The following DPY19L1 variants were observed in gnomAD, a reference collection of about 807,000 sequenced individuals.
DPY19L1 encodes the protein protein C-mannosyl-transferase DPY19L1.
Under a neutral mutation model 96.9 loss-of-function variants are expected in DPY19L1, and 35 were observed. The observed-to-expected ratio is 0.36, with a 90% CI of 0.28 to 0.48. The LOEUF is 0.48. DPY19L1 is among the 20% of genes least tolerant of loss of function. The probability of loss-of-function intolerance (pLI) is 0.99; values close to 1 mark genes in which losing one functional copy is unlikely to be tolerated. For synonymous variants in DPY19L1, 205 were observed against 252.6 expected (o/e 0.81, Z 1.79); for missense variants, 521 against 777.9 (o/e 0.67, Z 3.93).
At chr7:35,018,532 C>A in intron 2 of DPY19L1, 40 bp downstream of exon 2, 1 of 1,573,366 alleles carries the variant, frequency 6.4e-7, no homozygotes, top group South Asian at 1.1e-5. Context: ...AAGTTATAAA[C>A]GTCTGCATAA....
chr7:35,037,606 C>G, upstream of DPY19L1: 1 of 251,542 alleles, frequency 4.0e-6, no homozygotes. Flanking sequence ...GAGGCGGCGC[C>G]GGACTTGCTA....
intron 16 of DPY19L1, among the ~76,000 whole-genome samples, chr7:34,944,533 G>A (rs919907844): frequency 1.9e-4 from 29 of 151,844 alleles, no homozygotes; most frequent in African/African-American, 4.6e-4. Flanking sequence ...TTATCTTTCC[G>A]GATCATTTCT....
At chr7:34,953,106 C>T (rs576275262) in intron 13 of DPY19L1, among the ~76,000 whole-genome samples, 4 of 152,220 alleles carry the variant, frequency 2.6e-5, no homozygotes, top group East Asian at 3.9e-4. Context: ...TAAAAACCTA[C>T]GCTCAGAGGC....
rs1178541423 is a variant in DPY19L1, at chr7:35,024,871, AAT to A, written c.299-6277_299-6276del. Among the ~76,000 whole-genome samples, 16 of 152,328 alleles carry A rather than the reference AAT, an allele frequency of 1.1e-4. No homozygotes were observed. The East Asian group carries it at 3.1e-3, about 29-fold the overall frequency. The stretch of plus-strand genomic sequence containing the variant: ...TGGCCTCAAGGCTGAGTCTGTGTAT[AAT>A]TCATCTTTACACTACCTAGTATCAT... On this transcript the variant is annotated intron_variant, in intron 1 of 21. Transcript: ENST00000638088.
Position 34,986,442 on chromosome 7 carries a change from A to G in DPY19L1, c.822+3442T>C, listed in dbSNP as rs187860502. 2.1e-3 allele frequency among the ~76,000 whole-genome samples: 323 copies of G among 152,200 alleles called. 4 individuals carry two copies. The highest frequency in any genetic ancestry group is 3.4e-3 in the Middle Eastern group (1 of 294). On this transcript the variant is annotated intron_variant, in intron 7 of 21. Coordinates refer to ENST00000638088, the MANE Select transcript of DPY19L1 (RefSeq NM_001366673.1). ...AATTATTATTTGTAAGTTAAAACAA[A>G]TAATTTTTTAAAAATACAAATAAAT...
At chr7:34,960,671 T>G (rs1174683550) in intron 10 of DPY19L1, among the ~76,000 whole-genome samples, 3 of 152,156 alleles carry the variant, frequency 2.0e-5, no homozygotes, top group Non-Finnish European at 4.4e-5. Flanking sequence ...TTACCATGCT[T>G]CTGGCATTAA....
intron 1 of DPY19L1, among the ~76,000 whole-genome samples, chr7:35,035,502 T>C (rs1187411888): frequency 1.3e-5 from 2 of 152,224 alleles, no homozygotes; most frequent in Admixed American, 6.5e-5. Flanking sequence ...GAAGAAGCAA[T>C]GCCATTCTAT....
intron 6 of DPY19L1, among the ~76,000 whole-genome samples, chr7:35,009,846 C>A (rs1384247710): frequency 6.6e-6 from 1 of 152,096 alleles, no homozygotes; most frequent in Non-Finnish European, 1.5e-5. Context: ...GTACATACAG[C>A]AAATGGAATA....
Position 35,003,919 on chromosome 7 carries a change from C to A in DPY19L1, c.764+6549G>T, listed in dbSNP as rs747905083. On this transcript the variant is annotated intron_variant, in intron 6 of 21. Transcript: ENST00000638088. ...ATATTTGCCTTCCTAGCCCAGGCAC[C>A]TTTATTTCCTGGTCCTTTTCTCTGC... Among the ~76,000 whole-genome samples, 94 of 152,328 alleles carry A rather than the reference C, an allele frequency of 6.2e-4. 1 individual carries two copies. The highest frequency in any genetic ancestry group is 1.9e-3 in the Admixed American group (29 of 15,306).
intron 13 of DPY19L1, among the ~76,000 whole-genome samples, chr7:34,953,751 T>C (rs889520791): frequency 3.3e-5 from 5 of 152,212 alleles, no homozygotes; most frequent in Admixed American, 1.3e-4. Context: ...ACTATAGTTT[T>C]ATAGTTTTAA....
At chr7:34,972,426 AAAG>A (rs1230592153) in intron 8 of DPY19L1, among the ~76,000 whole-genome samples, 6 of 152,184 alleles carry the variant, frequency 3.9e-5, no homozygotes, top group Non-Finnish European at 5.9e-5. Flanking sequence ...TCAGTGAGTG[AAAG>A]AAGAATCAAA....
chr7:35,026,180 A>T (rs1029252684), intron 1 of DPY19L1, among the ~76,000 whole-genome samples: 11 of 152,164 alleles, frequency 7.2e-5, no homozygotes, highest in African/African-American at 2.2e-4. Context: ...TTCTTCACAA[A>T]ATGTAATGTG....
intron 7 of DPY19L1, among the ~76,000 whole-genome samples, chr7:34,975,503 A>G (rs1214712500): frequency 6.6e-6 from 1 of 152,246 alleles, no homozygotes; most frequent in Non-Finnish European, 1.5e-5. Flanking sequence ...TCCGTAAGAT[A>G]AAAGTACAAG....
intron 17 of DPY19L1, 119 bp from the exon 18 acceptor site, chr7:34,942,003 T>G (rs1433711182): frequency 1.9e-6 from 2 of 1,060,476 alleles, no homozygotes; most frequent in East Asian, 2.7e-5. Flanking sequence ...TACTAAGGTT[T>G]CTGAAACTTC....
intron 6 of DPY19L1, among the ~76,000 whole-genome samples, chr7:35,004,496 T>C (rs1211303070): frequency 1.3e-5 from 2 of 152,224 alleles, no homozygotes; most frequent in Non-Finnish European, 2.9e-5. Flanking sequence ...GGAAAGAGAA[T>C]GTATTAAGAA....
At position 34,999,590 on chromosome 7, in the gene DPY19L1, G is replaced by A. The variant is rs114351072; in HGVS notation, c.765-9649C>T. On this transcript the variant is annotated intron_variant, in intron 6 of 21. Transcript: ENST00000638088. ...CAAAACTCCAAGGGAATCGCTAAAC[G>A]GAAGCCCAGGGAAGGACGGGTCTAG... Among the ~76,000 whole-genome samples the A allele has an allele frequency of 4.2e-3, 634 of 152,244 alleles. 1 individual carries two copies. Among genetic ancestry groups the A allele is most frequent in the African/African-American group, 0.014 (591 of 41,530 alleles).
intron 7 of DPY19L1, among the ~76,000 whole-genome samples, chr7:34,985,596 TAG>T (rs1785030403): frequency 6.7e-6 from 1 of 150,330 alleles, no homozygotes; most frequent in African/African-American, 2.4e-5. Flanking sequence ...TCTCAAACCA[TAG>T]GGGAAATTCA....
chr7:34,983,763 C>A (rs1784990726), intron 7 of DPY19L1, among the ~76,000 whole-genome samples: 1 of 151,240 alleles, frequency 6.6e-6, no homozygotes, highest in Non-Finnish European at 1.5e-5. Context: ...AATTAGAATC[C>A]CCAAAGAAGA....
At chr7:34,939,894 CTG>C (rs1185571770) in intron 19 of DPY19L1, among the ~76,000 whole-genome samples, 3 of 152,222 alleles carry the variant, frequency 2.0e-5, no homozygotes, top group African/African-American at 7.2e-5. Context: ...GCATTTATGA[CTG>C]TGAATAAATT....
Sources: allele counts gnomAD v4.1 joint callset (sites outside exome capture counted in the v4.1 genomes callset), GRCh38; gene constraint gnomAD v4.1.1; transcripts MANE v1.5; gene names NCBI Gene and HGNC (gene_info 2026-07-23, HGNC 2026-07-21).